Variants in RREB1 observed in about 807,000 individuals in gnomAD.
RREB1 encodes ras-responsive element-binding protein 1.
A neutral mutation model predicts 117.8 loss-of-function variants in RREB1; 27 were observed. That is an observed-to-expected ratio of 0.23 (90% CI 0.17 to 0.32). RREB1 has a LOEUF of 0.32. Among genes scored for constraint, RREB1 ranks in the 10% least tolerant of loss-of-function variants. The probability of loss-of-function intolerance (pLI) is 1.00; values close to 1 mark genes in which losing one functional copy is unlikely to be tolerated. For synonymous variants in RREB1, 1,298 were observed against 1,026.7 expected, an observed-to-expected ratio of 1.26 and a Z score of -5.05; for missense variants, 2,577 against 2,378.2, an observed-to-expected ratio of 1.08 and a Z score of -1.74.
At chr6:7,192,661 A>G (rs544068586) in intron 6 of RREB1, among the ~76,000 whole-genome samples, 3 of 152,314 alleles carry the variant, frequency 2.0e-5, no homozygotes, top group East Asian at 3.9e-4. Context: ...ACTCCTAACT[A>G]TAATAATTTG....
chr6:7,179,139 A>T (rs777124182), intron 2 of RREB1, among the ~76,000 whole-genome samples: 1 of 152,114 alleles, frequency 6.6e-6, no homozygotes, highest in African/African-American at 2.4e-5. Flanking sequence ...CCCTTATTCA[A>T]TGATAGAATT....
intron 6 of RREB1, among the ~76,000 whole-genome samples, chr6:7,195,369 G>A (rs557726867): frequency 1.2e-4 from 19 of 152,248 alleles, no homozygotes; most frequent in Non-Finnish European, 2.4e-4. Context: ...TTATAAAAAT[G>A]TGAGAACACT....
At chr6:7,118,833 G>A (rs1429135234) in intron 1 of RREB1, among the ~76,000 whole-genome samples, 1 of 77,354 alleles carries the variant, frequency 1.3e-5, no homozygotes, top group Non-Finnish European at 2.4e-5. Context: ...TTTTTTTTTA[G>A]AGACAGGGTT....
At chr6:7,201,687 G>T (rs914982131) in intron 6 of RREB1, among the ~76,000 whole-genome samples, 8 of 152,188 alleles carry the variant, frequency 5.3e-5, no homozygotes, top group African/African-American at 1.9e-4. Context: ...AGTGGAGACA[G>T]ATTTTGTATT....
intron 1 of RREB1, among the ~76,000 whole-genome samples, chr6:7,119,237 A>T (rs941474602): frequency 6.6e-6 from 1 of 151,896 alleles, no homozygotes; most frequent in Non-Finnish European, 1.5e-5. Flanking sequence ...TGTAATCCCA[A>T]CTACTCAGGA....
At chr6:7,120,790 G>A (rs1761643254) in intron 1 of RREB1, among the ~76,000 whole-genome samples, 1 of 150,608 alleles carries the variant, frequency 6.6e-6, no homozygotes, top group Non-Finnish European at 1.5e-5. Context: ...GGGGCTACAG[G>A]TGTGCGCCAC....
At chr6:7,186,278 A>AG (rs1008749396) in intron 4 of RREB1, among the ~76,000 whole-genome samples, 1 of 152,180 alleles carries the variant, frequency 6.6e-6, no homozygotes, top group African/African-American at 2.4e-5. Flanking sequence ...TTTCAATTCA[A>AG]GTGCTCATAA....
At chr6:7,111,407 T>C (rs990004311) in intron 1 of RREB1, among the ~76,000 whole-genome samples, 1 of 152,192 alleles carries the variant, frequency 6.6e-6, no homozygotes, top group Non-Finnish European at 1.5e-5. Flanking sequence ...TTAACTCCTA[T>C]AAGAATTGGT....
At position 7,200,499 on chromosome 6, in the gene RREB1, C is replaced by G. The variant is rs547402069; in HGVS notation, c.426-10305C>G. ...GGCCAGGCGGGTCTCAAACTCCTGA[C>G]CTCAGGTGATCCGACCACCTCAGCC... On this transcript the variant is annotated intron_variant, in intron 6 of 12. Coordinates refer to ENST00000379938, the MANE Select transcript of RREB1 (RefSeq NM_001003699.4). Among the ~76,000 whole-genome samples, 47 of 152,070 alleles carry G rather than the reference C, an allele frequency of 3.1e-4. 1 individual carries two copies. The highest frequency in any genetic ancestry group is 1.1e-3 in the African/African-American group (45 of 41,488).
chr6:7,157,072 T>C (rs1581465171), intron 1 of RREB1, among the ~76,000 whole-genome samples: 1 of 152,314 alleles, frequency 6.6e-6, no homozygotes, highest in African/African-American at 2.4e-5. Flanking sequence ...TCAGCTCTTC[T>C]TTTCTCTTCT....
intron 1 of RREB1, among the ~76,000 whole-genome samples, chr6:7,156,372 C>T (rs775186868): frequency 1.4e-4 from 21 of 152,220 alleles, no homozygotes; most frequent in Non-Finnish European, 2.1e-4. Flanking sequence ...AAAAGAGCAA[C>T]TGAACTCACA....
chr6:7,190,971 G>T (rs538998900), intron 6 of RREB1, among the ~76,000 whole-genome samples: 1 of 152,216 alleles, frequency 6.6e-6, no homozygotes, highest in Non-Finnish European at 1.5e-5. Context: ...TCCTAGTGGC[G>T]TTTTGGCCCT....
intron 1 of RREB1, among the ~76,000 whole-genome samples, chr6:7,124,113 C>T (rs974574347): frequency 6.6e-6 from 1 of 152,166 alleles, no homozygotes; most frequent in Non-Finnish European, 1.5e-5. Context: ...GGGGTGGTCA[C>T]CCGTCTGAGA....
intron 1 of RREB1, among the ~76,000 whole-genome samples, chr6:7,160,188 AT>A (rs1296150522): frequency 6.6e-6 from 1 of 151,944 alleles, no homozygotes; most frequent in African/African-American, 2.4e-5. Context: ...CAGTGGTACA[AT>A]TATAGCTCAC....
chr6:7,246,432 T>TCGGATG lies in RREB1; in HGVS notation c.3987_3992dup (p.Asp1329_Ala1330dup). The TCGGATG allele has an allele frequency of 6.7e-7, 1 of 1,485,388 alleles. No homozygotes were observed. Among genetic ancestry groups the TCGGATG allele is most frequent in the Admixed American group, 2.2e-5 (1 of 45,118 alleles). 92.0% of individuals were successfully genotyped at this position (1,485,388 alleles called of 1,614,324 possible). ...CTGTGCTTGCCCCACAGACAGTCAGTCGGATGCGGAGACTGCAGCCGCCGC... is the reference window on the plus strand; with the variant it reads ...CTGTGCTTGCCCCACAGACAGTCAGTCGGATGCGGATGCGGAGACTGCAGCCGCCGC... On this transcript the variant is annotated inframe_insertion, in exon 12 of 13. Transcript: ENST00000379938.
chr6:7,149,616 T>C (rs935454789), intron 1 of RREB1, among the ~76,000 whole-genome samples: 1 of 152,214 alleles, frequency 6.6e-6, no homozygotes, highest in African/African-American at 2.4e-5. Context: ...ACATGGCTTT[T>C]TGGCCATGAG....
chr6:7,232,949 G>T (rs1039049181), intron 10 of RREB1, among the ~76,000 whole-genome samples: 3 of 151,962 alleles, frequency 2.0e-5, no homozygotes, highest in Non-Finnish European at 4.4e-5. Flanking sequence ...GGCTGGAGTG[G>T]AGTAGTATGA....
intron 6 of RREB1, among the ~76,000 whole-genome samples, chr6:7,196,397 T>C (rs1765680142): frequency 6.6e-6 from 1 of 152,088 alleles, no homozygotes; most frequent in African/African-American, 2.4e-5. Context: ...GTTAGTTATC[T>C]GTATTTGTAA....
At chr6:7,172,060 C>T (rs1270130240) in intron 1 of RREB1, among the ~76,000 whole-genome samples, 1 of 152,068 alleles carries the variant, frequency 6.6e-6, no homozygotes, top group Non-Finnish European at 1.5e-5. Flanking sequence ...ATCCTCCTGC[C>T]TCAGCCTCCC....
Sources: allele counts gnomAD v4.1 joint callset (sites outside exome capture counted in the v4.1 genomes callset), GRCh38; gene constraint gnomAD v4.1.1; transcripts MANE v1.5; gene names NCBI Gene and HGNC (gene_info 2026-07-23, HGNC 2026-07-21).